The following SLFN11 variants were observed in gnomAD, a reference collection of about 807,000 sequenced individuals.
The protein encoded by SLFN11 is schlafen family member 11.
A neutral mutation model predicts 53.4 loss-of-function variants in SLFN11; 43 were observed. That is an observed-to-expected ratio of 0.80 (90% CI 0.63 to 1.04). SLFN11 has a LOEUF of 1.04. Ranked by LOEUF, SLFN11 falls within the 50% of genes least tolerant of loss-of-function variation. The pLI, the probability that SLFN11 is intolerant of heterozygous loss-of-function variation, is 0.00. For missense variants in SLFN11, 990 were observed against 1,079.1 expected (o/e 0.92, Z 1.16); for synonymous variants, 389 against 394.7 (o/e 0.99, Z 0.17).
Position 35,367,070 on chromosome 17 carries a change from C to CAAA in SLFN11, c.-136-10_-136-8dup, listed in dbSNP as rs34749593. 7.0e-5 allele frequency: 10 copies of CAAA among 141,884 alleles called. No homozygotes were observed. Among genetic ancestry groups the CAAA allele is most frequent in the African/African-American group, 1.3e-4 (5 of 38,228 alleles). The allele number at this position is 141,884 out of a possible 1,614,324, so 8.8% of individuals were successfully genotyped here. A position where few individuals can be genotyped will look rare whatever the true frequency, so the allele number is the denominator to read the frequency against. On this transcript the variant is annotated splice_region_variant and splice_polypyrimidine_tract_variant and intron_variant, in intron 2 of 6. Coordinates refer to ENST00000685675, the MANE Select transcript of SLFN11 (RefSeq NM_001376007.1). ...TGGGGGTCAAAGTAAGAATCTGTCT[C>CAAA]AAAAAAAAAAAAAAGAAGGCTGGCA...
intron 5 of SLFN11, among the ~76,000 whole-genome samples, chr17:35,356,503 T>A (rs1175541831): frequency 1.3e-5 from 2 of 152,128 alleles, no homozygotes; most frequent in Non-Finnish European, 2.9e-5. Context: ...CCGAAATTAC[T>A]TTATGCAAAT....
rs571804517 is a variant in SLFN11, at chr17:35,352,165, G to C, written c.*191C>G. ...GGCTGGAAGAGTCAGGGGTCAGAAT[G>C]GGGGGCAGCCACCGCTGCTGAAAGG... On this transcript the variant is annotated 3_prime_UTR_variant, in exon 7 of 7. Transcript: ENST00000685675. 32 of 639,362 alleles carry C rather than the reference G, an allele frequency of 5.0e-5. No individual in the cohort carries two copies. In the East Asian group the frequency reaches 6.7e-4, roughly 13 times the overall value. The allele number at this position is 639,362 out of a possible 1,614,324, so 39.6% of individuals were successfully genotyped here.
Position 35,363,774 on chromosome 17 carries a change from GT to G in SLFN11, c.33del (p.Glu11AspfsTer11). ...TTGATGACCAGGTCTGGGTAAGATGGTTCCACAACCAGGGGGCACTGATTTG... is the reference window on the plus strand; with the variant it reads ...TTGATGACCAGGTCTGGGTAAGATGGTCCACAACCAGGGGGCACTGATTTG... MEANQCPLVV[E>X]PSYPDLVINV... On this transcript the variant is annotated frameshift_variant, in exon 4 of 7. Transcript: ENST00000685675. LOFTEE classifies it high-confidence loss of function. 1 of 1,595,950 alleles carries G rather than the reference GT, an allele frequency of 6.3e-7. No individual in the cohort carries two copies. The highest frequency in any genetic ancestry group is 8.5e-7 in the Non-Finnish European group (1 of 1,173,122).
In SLFN11 at chr17:35,357,165, T is replaced by TGA. The variant is rs1237964222; in HGVS notation, c.1198+3077_1198+3078insTC. Among the ~76,000 whole-genome samples the TGA allele has an allele frequency of 2.8e-3, 421 of 151,226 alleles. 4 individuals are homozygous for TGA. The highest frequency in any genetic ancestry group is 9.7e-3 in the African/African-American group (398 of 41,066). On this transcript the variant is annotated intron_variant, in intron 5 of 6. Transcript: ENST00000685675. ...GTGTGTGTGTGTGTGTGTGTGTGTG[T>TGA]GTGTGTGTGTGTCTGTGTCCTTATC...
rs1909332164 is a variant in SLFN11, at chr17:35,369,152, GC to G, written c.-234-1453del. Among the ~76,000 whole-genome samples, 8 of 152,136 alleles carry G rather than the reference GC, an allele frequency of 5.3e-5. No individual in the cohort carries two copies. The South Asian group carries it at 8.3e-4, about 16-fold the overall frequency. On this transcript the variant is annotated intron_variant, in intron 1 of 6. Transcript: ENST00000685675. ...ACTTTGTCTTGCACCGTAGGTACCA[GC>G]TTAGCCACAGGGGTAGAGCAACAAG...
rs200295893 is a variant in SLFN11 at position 35,363,267 on chromosome 17, C to G, written c.541G>C (p.Asp181His). 3 of 1,614,004 alleles carry G rather than the reference C, an allele frequency of 1.9e-6. No individual in the cohort carries two copies. The highest frequency in any genetic ancestry group is 2.7e-5 in the African/African-American group (2 of 75,020). ...GGATCCGAGTTTGGGTCAGCAGGAT[C>G]CGAGTTAGGGAGCTCTTGGTATACA... The part of the protein sequence containing the change: ...KGVYQELPNS[D>H]PADPNSDPAD... Residue 181 changes from aspartate (D) to histidine (H), a missense_variant, in exon 4 of 7, where the codon GAT becomes CAT. Physicochemically the swap from Asp to His is moderately conservative, Grantham distance 81. Coordinates refer to ENST00000685675, the MANE Select transcript of SLFN11 (RefSeq NM_001376007.1).
At chr17:35,366,077 T>C (rs1908918578) in intron 3 of SLFN11, among the ~76,000 whole-genome samples, 1 of 152,130 alleles carries the variant, frequency 6.6e-6, no homozygotes, top group African/African-American at 2.4e-5. Context: ...TCTGAATTAT[T>C]ACAACATTTT....
At chr17:35,361,438 C>T (rs145418747) in intron 4 of SLFN11, among the ~76,000 whole-genome samples, 1 of 152,142 alleles carries the variant, frequency 6.6e-6, no homozygotes, top group Non-Finnish European at 1.5e-5. Flanking sequence ...CCCCTACCCC[C>T]GTGACCCTCA....
chr17:35,362,295 G>A (rs4796076), intron 4 of SLFN11, among the ~76,000 whole-genome samples: 152,162 of 152,228 alleles, frequency 1, 76,049 homozygotes, highest in Middle Eastern at 1. Flanking sequence ...AGATAATAGT[G>A]AAATGTAGCA....
At position 35,363,269 on chromosome 17, in the gene SLFN11, G is replaced by A. The variant is rs369831357; in HGVS notation, c.539C>T (p.Ser180Leu). Residue 180 changes from serine (S) to leucine (L), a missense_variant, in exon 4 of 7, where the codon TCG becomes TTG. By Grantham distance (145) the Ser-to-Leu change is moderately radical. Transcript: ENST00000685675. ...HKGVYQELPN[S>L]DPADPNSDPA... ...ATCCGAGTTTGGGTCAGCAGGATCC[G>A]AGTTAGGGAGCTCTTGGTATACACC... The A allele has an allele frequency of 4.3e-6, 7 of 1,614,040 alleles. No individual in the cohort carries two copies. The highest frequency in any genetic ancestry group is 2.2e-5 in the South Asian group (2 of 91,082).
intron 4 of SLFN11, among the ~76,000 whole-genome samples, chr17:35,360,826 TG>T (rs1407870799): frequency 1.3e-5 from 2 of 152,128 alleles, no homozygotes; most frequent in African/African-American, 4.8e-5. Flanking sequence ...GCTTAGGGCT[TG>T]GGCACAGTAG....
chr17:35,363,273 T>C lies in SLFN11; in HGVS notation c.535A>G (p.Asn179Asp), dbSNP rs996391802. 6 of 1,614,088 alleles carry C rather than the reference T, an allele frequency of 3.7e-6. No individual in the cohort carries two copies. Among genetic ancestry groups the C allele is most frequent in the Non-Finnish European group, 5.1e-6 (6 of 1,179,992 alleles). ...GAGTTTGGGTCAGCAGGATCCGAGTTAGGGAGCTCTTGGTATACACCCTTG... is the reference window on the plus strand; with the variant it reads ...GAGTTTGGGTCAGCAGGATCCGAGTCAGGGAGCTCTTGGTATACACCCTTG... ...IHKGVYQELP[N>D]SDPADPNSDP... Residue 179 changes from asparagine to aspartate, a missense_variant, in exon 4 of 7, where the codon AAC (asparagine) becomes GAC (aspartate). Around this residue, in one of 3 missense-constraint regions of SLFN11, gnomAD observed 521 missense variants for 516.2 expected, o/e 1.01. Coordinates refer to ENST00000685675, the MANE Select transcript of SLFN11 (RefSeq NM_001376007.1).
At chr17:35,356,683 T>C (rs1441088095) in intron 5 of SLFN11, among the ~76,000 whole-genome samples, 1 of 152,040 alleles carries the variant, frequency 6.6e-6, no homozygotes, top group Non-Finnish European at 1.5e-5. Context: ...CCATATCTTG[T>C]TTGACCAGTC....
rs1906559439 is a variant in SLFN11 at position 35,350,597 on chromosome 17, T to C, written c.*1759A>G. The C allele has an allele frequency of 6.6e-6, 1 of 152,256 alleles. No homozygotes were observed. 9.4% of individuals were successfully genotyped at this position (152,256 alleles called of 1,614,324 possible). ...CAGGGATCTTATAAGACTAATTTAT[T>C]AGTAACAACATTTACAAAGATAGCT... On this transcript the variant is annotated 3_prime_UTR_variant, in exon 7 of 7. Transcript: ENST00000685675.
At chr17:35,363,983 C>T (rs373029419) in intron 3 of SLFN11, among the ~76,000 whole-genome samples, 157 bp from the exon 4 acceptor site, 1 of 152,046 alleles carries the variant, frequency 6.6e-6, no homozygotes, top group Admixed American at 6.5e-5. Context: ...AGGAAGGGTG[C>T]TAATGAAATT....
chr17:35,360,664 T>A (rs1908093463), intron 4 of SLFN11, among the ~76,000 whole-genome samples: 1 of 152,164 alleles, frequency 6.6e-6, no homozygotes, highest in Non-Finnish European at 1.5e-5. Context: ...TTACGTTACC[T>A]AGCTCATTCT....
rs1907056661 is a variant in SLFN11, at chr17:35,353,601, A to C, written c.1657T>G (p.Ser553Ala). The change falls in exon 6 of 7, where the codon TCC becomes GCC. Residue 553 changes from serine to alanine, a missense_variant. Physicochemically the swap from Ser to Ala is moderately conservative, Grantham distance 99. Coordinates refer to ENST00000685675, the MANE Select transcript of SLFN11 (RefSeq NM_001376007.1). ...AAGCCGAGTAAGACAATCACGAGGGACTGCAGCAGGGCTTCCATGTGCTGG... is the reference window on the plus strand; with the variant it reads ...AAGCCGAGTAAGACAATCACGAGGGCCTGCAGCAGGGCTTCCATGTGCTGG... ...GTQHMEALLQ[S>A]LVIVLLGFRS... is the part of the protein sequence containing the mutation. The C allele has an allele frequency of 3.4e-6, 4 of 1,165,784 alleles. No homozygotes were observed. The highest frequency in any genetic ancestry group is 4.7e-6 in the Non-Finnish European group (4 of 857,660). The allele number at this position is 1,165,784 out of a possible 1,614,324, so 72.2% of individuals were successfully genotyped here. A position where few individuals can be genotyped will look rare whatever the true frequency, so the allele number is the denominator to read the frequency against.
chr17:35,365,426 G>T (rs1296322088), intron 3 of SLFN11, among the ~76,000 whole-genome samples: 3 of 151,348 alleles, frequency 2.0e-5, no homozygotes, highest in Non-Finnish European at 2.9e-5. Flanking sequence ...TGGGACTACA[G>T]GCGCACAGCC....
In SLFN11 at chr17:35,351,660, T is replaced by C. The variant is rs567989941; in HGVS notation, c.*696A>G. 5 of 152,350 alleles carry C rather than the reference T, an allele frequency of 3.3e-5. No individual in the cohort carries two copies. The highest frequency in any genetic ancestry group is 7.3e-5 in the Non-Finnish European group (5 of 68,054). The allele number at this position is 152,350 out of a possible 1,614,324, so 9.4% of individuals were successfully genotyped here. Reference sequence around the variant, plus strand: ...GCCAGGGCAAACAGGTTTATGTTCATTTCATCTTGGCCTATAATTTCTCCT... The same window carrying C: ...GCCAGGGCAAACAGGTTTATGTTCACTTCATCTTGGCCTATAATTTCTCCT... On this transcript the variant is annotated 3_prime_UTR_variant, in exon 7 of 7. Transcript: ENST00000685675.
Sources: gnomAD v4.1 joint callset for allele counts (sites outside exome capture counted in the v4.1 genomes callset) on GRCh38, gnomAD v4.1.1 for gene constraint, gnomAD v4.1.1 regional missense constraint, MANE v1.5 for transcripts, NCBI Gene and HGNC (gene_info 2026-07-23, HGNC 2026-07-21) for gene names.